The following ERCC6L2 variants were observed in gnomAD, a reference collection of about 807,000 sequenced individuals.
ERCC6L2 encodes the protein DNA excision repair protein ERCC-6-like 2.
In ERCC6L2, 77 loss-of-function variants were observed where a neutral mutation model predicts 132.0. The ratio of observed to expected loss-of-function variants is 0.58; its 90% CI spans 0.49 to 0.71. The LOEUF is 0.71. ERCC6L2 is among the 30% of genes least tolerant of loss of function. ERCC6L2 has a pLI of 0.00. For missense variants in ERCC6L2, 1,542 were observed against 1,837.6 expected, an observed-to-expected ratio of 0.84 and a Z score of 2.94; for synonymous variants, 583 against 632.4, an observed-to-expected ratio of 0.92 and a Z score of 1.17.
intron 19 of ERCC6L2, among the ~76,000 whole-genome samples, chr9:96,035,432 C>T (rs1241966853): frequency 6.6e-6 from 1 of 152,096 alleles, no homozygotes; most frequent in Non-Finnish European, 1.5e-5. Flanking sequence ...AGAGGATGGC[C>T]AGAGACAGAA....
intron 4 of ERCC6L2, 45 bp downstream of exon 4, chr9:95,907,316 C>T (rs776331441): frequency 1.9e-6 from 2 of 1,031,382 alleles, no homozygotes; most frequent in Non-Finnish European, 2.7e-6. Context: ...TAATAGTCTA[C>T]TTACATCCCT....
At chr9:95,905,346 A>G (rs1828980093) in intron 3 of ERCC6L2, among the ~76,000 whole-genome samples, 1 of 152,142 alleles carries the variant, frequency 6.6e-6, no homozygotes, top group Non-Finnish European at 1.5e-5. Flanking sequence ...TTGAAGACCA[A>G]TGTTTGTAAG....
intron 4 of ERCC6L2, among the ~76,000 whole-genome samples, chr9:95,910,320 AT>A (rs1829284463): frequency 6.6e-6 from 1 of 152,174 alleles, no homozygotes; most frequent in African/African-American, 2.4e-5. Flanking sequence ...TCTTTAAAAA[AT>A]ATACCTATTT....
At chr9:95,884,074 G>A (rs1399346046) in intron 2 of ERCC6L2, among the ~76,000 whole-genome samples, 3 of 152,158 alleles carry the variant, frequency 2.0e-5, no homozygotes, top group Non-Finnish European at 4.4e-5. Context: ...TGATTTTACT[G>A]CAGAATTTTC....
chr9:95,875,703 G>A lies in ERCC6L2; in HGVS notation c.-336G>A, dbSNP rs902542080. 2.2e-5 allele frequency: 9 copies of A among 409,772 alleles called. No homozygotes were observed. Among genetic ancestry groups the A allele is most frequent in the Non-Finnish European group, 4.0e-5 (9 of 224,244 alleles). The allele number at this position is 409,772 out of a possible 1,614,324, so 25.4% of individuals were successfully genotyped here. ...GGAGACGGAAGTCAGAGCCTAGGAA[G>A]ATTTGGGGGTCGCCTTGCCGGCCTC... On this transcript the variant is annotated 5_prime_UTR_variant, in exon 1 of 19. Transcript: ENST00000653738.
rs746844258 is a variant in ERCC6L2, at chr9:95,916,475, AT to A, written c.1158+51del. 5,669 of 1,268,108 alleles carry A rather than the reference AT, an allele frequency of 4.5e-3. 39 individuals carry two copies. The highest frequency in any genetic ancestry group is 0.035 in the African/African-American group (2,271 of 64,268). The allele number at this position is 1,268,108 out of a possible 1,614,324, so 78.6% of individuals were successfully genotyped here. A position where few individuals can be genotyped will look rare whatever the true frequency, so the allele number is the denominator to read the frequency against. ...GTATATATTATTAATTTGTGGTCAT[AT>A]TTTTTTTTTCCTTTTTAAGAAAAAG... On this transcript the variant is annotated intron_variant, in intron 6 of 18. Coordinates refer to ENST00000653738, the MANE Select transcript of ERCC6L2 (RefSeq NM_020207.7).
chr9:95,996,254 G>T (rs948522132), intron 17 of ERCC6L2, among the ~76,000 whole-genome samples: 1 of 152,234 alleles, frequency 6.6e-6, no homozygotes, highest in African/African-American at 2.4e-5. Context: ...TTAAGCCTAG[G>T]CAAGGCTCTA....
intron 12 of ERCC6L2, among the ~76,000 whole-genome samples, chr9:95,944,620 A>G (rs936865532): frequency 1.3e-5 from 2 of 152,204 alleles, no homozygotes; most frequent in African/African-American, 4.8e-5. Context: ...TATTAGGTGT[A>G]TCGGGGAAAT....
chr9:95,960,186 A>G (rs1831835848), intron 13 of ERCC6L2, among the ~76,000 whole-genome samples: 2 of 152,138 alleles, frequency 1.3e-5, no homozygotes, highest in African/African-American at 4.8e-5. Flanking sequence ...CCAGAAGACT[A>G]ATTACTTGCA....
chr9:95,875,908 C>T lies in ERCC6L2; in HGVS notation c.-131C>T, dbSNP rs1056506872. The T allele has an allele frequency of 5.1e-6, 5 of 985,112 alleles. No individual in the cohort carries two copies. Among genetic ancestry groups the T allele is most frequent in the Admixed American group, 4.3e-5 (2 of 46,898 alleles). 61.0% of individuals were successfully genotyped at this position (985,112 alleles called of 1,614,324 possible). A position where few individuals can be genotyped will look rare whatever the true frequency, so the allele number is the denominator to read the frequency against. On this transcript the variant is annotated 5_prime_UTR_variant, in exon 1 of 19. Coordinates refer to ENST00000653738, the MANE Select transcript of ERCC6L2 (RefSeq NM_020207.7). Reference sequence around the variant, plus strand: ...CCTCCATCCTGTGGCTTCGGGTTGCCGAAGAGCGATGCTCGGAGGGCGGCC... The same window carrying T: ...CCTCCATCCTGTGGCTTCGGGTTGCTGAAGAGCGATGCTCGGAGGGCGGCC...
At chr9:95,933,439 A>G (rs368442739) in intron 11 of ERCC6L2, among the ~76,000 whole-genome samples, 1 of 152,218 alleles carries the variant, frequency 6.6e-6, no homozygotes, top group East Asian at 1.9e-4. Flanking sequence ...ACTTTCAATC[A>G]GGACATTTGG....
intron 19 of ERCC6L2, among the ~76,000 whole-genome samples, chr9:96,035,017 G>A (rs1588070290): frequency 6.6e-6 from 1 of 152,154 alleles, no homozygotes; most frequent in Non-Finnish European, 1.5e-5. Context: ...CGTCTCTGTA[G>A]CCTGCACCCT....
Position 95,966,631 on chromosome 9 carries a change from G to A in ERCC6L2, c.2017G>A (p.Glu673Lys), listed in dbSNP as rs1832171244. ...TTTTGAAGCAGTTCAAGGATCTAAA[G>A]AGCATCAAGGAGAGCTTTTTGGGAT... ...RYFEAVQGSK[E>K]HQGELFGIHN... The change falls in exon 14 of 19, where the codon GAG becomes AAG. Residue 673 changes from glutamate (E) to lysine (K), a missense_variant. Glu to Lys is a moderately conservative substitution (Grantham distance 56). Around this residue, in one of 4 missense-constraint regions of ERCC6L2, gnomAD observed 945 missense variants for 1,105.2 expected, o/e 0.86. Transcript: ENST00000653738. The A allele has an allele frequency of 6.5e-7, 1 of 1,544,720 alleles. No individual in the cohort carries two copies. The highest frequency in any genetic ancestry group is 1.2e-5 in the South Asian group (1 of 81,150).
At position 95,971,941 on chromosome 9, in the gene ERCC6L2, G is replaced by A. The variant is rs1191843024; in HGVS notation, c.2190G>A (p.Gln730=). The change falls in exon 16 of 19, where the codon CAG becomes CAA. Residue 730 remains glutamine (Q), a synonymous_variant. Transcript: ENST00000653738. The part of the protein sequence containing the change: ...PPAHKLEMPR[Q]PDCQECRGTE... ...CATTGTTTCTCCTATAGCCTAGACA[G>A]CCTGACTGTCAGGAATGCAGAGGTA... is the stretch of plus-strand genomic sequence containing the variant. The A allele has an allele frequency of 1.8e-5, 23 of 1,297,536 alleles. No homozygotes were observed. Among genetic ancestry groups the A allele is most frequent in the East Asian group, 5.6e-5 (1 of 17,916 alleles). 80.4% of individuals were successfully genotyped at this position (1,297,536 alleles called of 1,614,324 possible). A position where few individuals can be genotyped will look rare whatever the true frequency, so the allele number is the denominator to read the frequency against.
chr9:95,909,263 A>G (rs944883506), intron 4 of ERCC6L2, among the ~76,000 whole-genome samples: 8 of 152,104 alleles, frequency 5.3e-5, no homozygotes, highest in Admixed American at 2.0e-4. Context: ...CTTCTTTTTT[A>G]TTTTTATGAC....
chr9:95,932,158 G>A (rs541487922), intron 11 of ERCC6L2, among the ~76,000 whole-genome samples: 46 of 151,404 alleles, frequency 3.0e-4, no homozygotes, highest in African/African-American at 4.4e-4. Context: ...TCCGCCTCCC[G>A]GATTTCAAGC....
intron 2 of ERCC6L2, among the ~76,000 whole-genome samples, chr9:95,893,120 T>G (rs2132577739): frequency 6.6e-6 from 1 of 152,348 alleles, no homozygotes; most frequent in East Asian, 1.9e-4. Context: ...TCTTGCAATG[T>G]ACCTAATAAT....
intron 4 of ERCC6L2, among the ~76,000 whole-genome samples, chr9:95,912,258 A>G (rs74564081): frequency 0.079 from 11,956 of 151,956 alleles, 664 homozygotes; most frequent in Admixed American, 0.13. Context: ...AATTTTTGCT[A>G]TTTTTCTCCT....
At chr9:95,940,858 C>T (rs909011522) in intron 11 of ERCC6L2, among the ~76,000 whole-genome samples, 1 of 152,008 alleles carries the variant, frequency 6.6e-6, no homozygotes, top group Non-Finnish European at 1.5e-5. Context: ...GAATGTGGGA[C>T]TCCTTCAGCT....
Sources: allele counts gnomAD v4.1 joint callset (sites outside exome capture counted in the v4.1 genomes callset), GRCh38; gene constraint gnomAD v4.1.1; regional missense constraint gnomAD v4.1.1; transcripts MANE v1.5; gene names NCBI Gene and HGNC (gene_info 2026-07-23, HGNC 2026-07-21).